Variants in RAD51B observed in about 807,000 individuals in gnomAD.
RAD51B encodes DNA repair protein RAD51 homolog 2.
Under a neutral mutation model 42.2 loss-of-function variants are expected in RAD51B, and 38 were observed. The ratio of observed to expected loss-of-function variants is 0.90; its 90% CI spans 0.70 to 1.18. The LOEUF (loss-of-function observed/expected upper bound fraction) is 1.18, where lower values mean the gene tolerates loss of function less well. Ranked by LOEUF, RAD51B falls within the 50% of genes most tolerant of loss-of-function variation. RAD51B has a pLI of 0.00. For missense variants in RAD51B, 373 were observed against 400.7 expected (o/e 0.93, Z 0.59); for synonymous variants, 154 against 145.2 (o/e 1.06, Z -0.43).
intron 7 of RAD51B, among the ~76,000 whole-genome samples, chr14:67,893,490 ACACACACACAC>A (rs2043287157): frequency 2.6e-5 from 2 of 76,490 alleles, no homozygotes; most frequent in African/African-American, 7.0e-5. Context: ...ACACACACAC[ACACACACACAC>A]ACACACACAA....
chr14:68,591,014 C>G (rs1189896948), intron 10 of RAD51B, among the ~76,000 whole-genome samples: 3 of 152,224 alleles, frequency 2.0e-5, no homozygotes, highest in Non-Finnish European at 4.4e-5. Context: ...CCTGCCCAAC[C>G]TCATTCTGAT....
chr14:68,176,092 T>C (rs1265393628), intron 7 of RAD51B, among the ~76,000 whole-genome samples: 1 of 152,216 alleles, frequency 6.6e-6, no homozygotes, highest in Non-Finnish European at 1.5e-5. Context: ...TCCATTTGGA[T>C]GCTGTGTTCG....
chr14:68,626,064 C>T (rs1446250476), intron 10 of RAD51B, among the ~76,000 whole-genome samples: 3 of 152,234 alleles, frequency 2.0e-5, no homozygotes, highest in African/African-American at 7.2e-5. Context: ...AGTTATCCCC[C>T]GTATTTATCC....
At chr14:68,390,400 A>G (rs190149367) in intron 8 of RAD51B, among the ~76,000 whole-genome samples, 1 of 152,250 alleles carries the variant, frequency 6.6e-6, no homozygotes. Context: ...TTACCCATTT[A>G]GGATTGTATC....
At chr14:68,154,878 G>A (rs531561142) in intron 7 of RAD51B, among the ~76,000 whole-genome samples, 31 of 152,048 alleles carry the variant, frequency 2.0e-4, no homozygotes, top group Non-Finnish European at 3.1e-4. Context: ...GTTTTCATTG[G>A]TAGTTCTAGA....
intron 7 of RAD51B, among the ~76,000 whole-genome samples, chr14:68,172,315 C>T (rs2078888752): frequency 6.6e-6 from 1 of 152,224 alleles, no homozygotes; most frequent in Non-Finnish European, 1.5e-5. Flanking sequence ...TTGTCCCGTC[C>T]TTACTGACTT....
At chr14:67,930,856 G>A (rs2044701500) in intron 7 of RAD51B, among the ~76,000 whole-genome samples, 1 of 151,106 alleles carries the variant, frequency 6.6e-6, no homozygotes, top group African/African-American at 2.4e-5. Context: ...ATATCATGAC[G>A]ACTTTGTTCA....
chr14:68,110,300 A>G (rs1310592217), intron 7 of RAD51B, among the ~76,000 whole-genome samples: 1 of 151,950 alleles, frequency 6.6e-6, no homozygotes, highest in Non-Finnish European at 1.5e-5. Flanking sequence ...AAAGTGGAGG[A>G]TGAAGTGGTT....
At chr14:68,540,273 T>A in intron 10 of RAD51B, 1 of 1,030,140 alleles carries the variant, frequency 9.7e-7, no homozygotes, top group Non-Finnish European at 1.2e-6. Context: ...TGTTCAAGGT[T>A]CAAGAGCCTA....
intron 10 of RAD51B, among the ~76,000 whole-genome samples, chr14:68,579,238 G>A (rs1890104792): frequency 1.3e-5 from 2 of 152,142 alleles, no homozygotes; most frequent in Non-Finnish European, 2.9e-5. Flanking sequence ...TTGTCCAGCT[G>A]CTTTCAAATC....
intron 10 of RAD51B, among the ~76,000 whole-genome samples, chr14:68,632,193 C>G (rs989786776): frequency 1.8e-4 from 27 of 152,146 alleles, no homozygotes; most frequent in Non-Finnish European, 4.4e-5. Context: ...TCATCTGGAG[C>G]CTTCTTGCCC....
intron 7 of RAD51B, among the ~76,000 whole-genome samples, chr14:67,929,512 G>A (rs1354302506): frequency 2.0e-5 from 3 of 152,104 alleles, no homozygotes; most frequent in Non-Finnish European, 2.9e-5. Context: ...GGTAAATCCT[G>A]GAGAATTTTC....
At chr14:68,287,305 G>C (rs2081432021) in intron 7 of RAD51B, among the ~76,000 whole-genome samples, 1 of 152,126 alleles carries the variant, frequency 6.6e-6, no homozygotes, top group African/African-American at 2.4e-5. Flanking sequence ...TCCTATACAG[G>C]TGCACCTCTG....
chr14:68,024,042 T>C (rs1466705082), intron 7 of RAD51B, among the ~76,000 whole-genome samples: 2 of 152,090 alleles, frequency 1.3e-5, no homozygotes, highest in Non-Finnish European at 2.9e-5. Context: ...AAATTAGGAG[T>C]TCAATTTCAT....
chr14:67,976,581 C>T (rs934873043), intron 7 of RAD51B, among the ~76,000 whole-genome samples: 4 of 152,088 alleles, frequency 2.6e-5, no homozygotes, highest in African/African-American at 9.7e-5. Context: ...GGATTAAAGA[C>T]TTACATATTA....
At chr14:68,649,715 G>A (rs893534104) in intron 10 of RAD51B, among the ~76,000 whole-genome samples, 3 of 152,092 alleles carry the variant, frequency 2.0e-5, no homozygotes, top group African/African-American at 2.4e-5. Context: ...GAGGTGAGTC[G>A]CGTGCTCTCA....
intron 10 of RAD51B, chr14:68,540,107 C>T (rs997525197): frequency 2.4e-6 from 2 of 833,764 alleles, no homozygotes; most frequent in East Asian, 7.5e-5. Flanking sequence ...CTGGACAGAG[C>T]TGCCCATGCT....
intron 7 of RAD51B, among the ~76,000 whole-genome samples, chr14:67,923,798 TCCA>T (rs2044412536): frequency 6.6e-6 from 1 of 152,220 alleles, no homozygotes; most frequent in African/African-American, 2.4e-5. Flanking sequence ...TTAAGGAATC[TCCA>T]CATTGTTTTC....
chr14:68,673,393 GCA>G (rs1442017309), intron 11 of RAD51B, among the ~76,000 whole-genome samples: 1 of 121,568 alleles, frequency 8.2e-6, no homozygotes, highest in African/African-American at 3.9e-5. Context: ...ATATATACAT[GCA>G]CACACATACA....
Sources: gnomAD v4.1 joint callset for allele counts (sites outside exome capture counted in the v4.1 genomes callset) on GRCh38, gnomAD v4.1.1 for gene constraint, MANE v1.5 for transcripts, NCBI Gene and HGNC (gene_info 2026-07-23, HGNC 2026-07-21) for gene names.